The following METTL15 variants were observed in gnomAD, a reference collection of about 807,000 sequenced individuals.
The protein encoded by METTL15 is methyltransferase 15, mitochondrial 12S rRNA N4-cytidine.
METTL15 carries 34 observed loss-of-function variants against 38.3 expected under a neutral mutation model. The ratio of observed to expected loss-of-function variants is 0.89; its 90% confidence interval spans 0.68 to 1.18. METTL15 has a LOEUF of 1.18. Among genes scored for constraint, METTL15 ranks in the 50% most tolerant of loss-of-function variants. The pLI, the probability that METTL15 is intolerant of heterozygous loss-of-function variation, is 0.00. For missense variants in METTL15, 438 were observed against 498.4 expected, an observed-to-expected ratio of 0.88 and a Z score of 1.15; for synonymous variants, 162 against 170.9, an observed-to-expected ratio of 0.95 and a Z score of 0.41.
chr11:28,510,243 A>T (rs1851663221), intron 6 of METTL15, among the ~76,000 whole-genome samples: 1 of 152,224 alleles, frequency 6.6e-6, no homozygotes, highest in South Asian at 2.1e-4. Flanking sequence ...GCTAACAAAA[A>T]AAGAAATGGA....
chr11:28,157,147 G>A (rs926883517), intron 3 of METTL15, among the ~76,000 whole-genome samples: 1 of 152,194 alleles, frequency 6.6e-6, no homozygotes, highest in African/African-American at 2.4e-5. Context: ...CTAAAGTGAA[G>A]GATAAGTTGC....
intron 6 of METTL15, among the ~76,000 whole-genome samples, chr11:28,517,631 C>T (rs1391904259): frequency 6.6e-6 from 1 of 152,206 alleles, no homozygotes; most frequent in Middle Eastern, 3.2e-3. Flanking sequence ...TTAGCAACTT[C>T]TCTTCTTTGT....
At chr11:28,163,626 T>A (rs2133747744) in intron 3 of METTL15, 1 of 394,284 alleles carries the variant, frequency 2.5e-6, no homozygotes, top group South Asian at 1.4e-4. Flanking sequence ...TTAGGTAAAA[T>A]AATGTTATCT....
chr11:28,304,634 T>G (rs1377643122), intron 6 of METTL15, among the ~76,000 whole-genome samples: 1 of 152,110 alleles, frequency 6.6e-6, no homozygotes, highest in Non-Finnish European at 1.5e-5. Flanking sequence ...GAGAATCACT[T>G]GAACCCGGGA....
chr11:28,197,550 G>A (rs755329173), intron 3 of METTL15: 5 of 443,402 alleles, frequency 1.1e-5, no homozygotes, highest in South Asian at 8.4e-5. Flanking sequence ...GCTCAGAGAA[G>A]TTAAGTAACT....
At chr11:28,306,663 T>A (rs138683061) in intron 6 of METTL15, among the ~76,000 whole-genome samples, 17 of 152,162 alleles carry the variant, frequency 1.1e-4, no homozygotes, top group African/African-American at 4.1e-4. Context: ...TGTTTCAGGA[T>A]GTTCTTTGAA....
intron 6 of METTL15, among the ~76,000 whole-genome samples, chr11:28,315,729 C>G (rs1292197837): frequency 2.6e-5 from 4 of 152,212 alleles, no homozygotes; most frequent in Admixed American, 1.3e-4. Context: ...CCCAAGGCCC[C>G]CCTGTTCTGT....
intron 3 of METTL15, among the ~76,000 whole-genome samples, chr11:28,345,961 G>T (rs1849992389): frequency 6.6e-6 from 1 of 152,156 alleles, no homozygotes; most frequent in Non-Finnish European, 1.5e-5. Context: ...CTAAAACATA[G>T]AAATTCTTCA....
At chr11:28,480,556 C>T (rs982225988) in intron 6 of METTL15, among the ~76,000 whole-genome samples, 2 of 152,320 alleles carry the variant, frequency 1.3e-5, no homozygotes, top group Non-Finnish European at 1.5e-5. Context: ...GTAAGCAGTA[C>T]AAGCTGGCTC....
intron 6 of METTL15, among the ~76,000 whole-genome samples, chr11:28,430,557 C>A (rs1850912717): frequency 3.0e-5 from 1 of 33,452 alleles, no homozygotes; most frequent in African/African-American, 1.1e-4. Context: ...GTGGGGGGGT[C>A]AGCCCCCCGC....
chr11:28,294,219 T>C (rs1196552796), intron 5 of METTL15, among the ~76,000 whole-genome samples: 1 of 151,990 alleles, frequency 6.6e-6, no homozygotes, highest in Non-Finnish European at 1.5e-5. Context: ...ACAACAGCTC[T>C]GAAGAAAGTG....
intron 6 of METTL15, among the ~76,000 whole-genome samples, chr11:28,428,231 A>C (rs1259642196): frequency 6.6e-6 from 1 of 152,226 alleles, no homozygotes. Context: ...CTATAAACCT[A>C]TATAGCAGGT....
chr11:28,470,740 A>T (rs1326724281), intron 6 of METTL15, among the ~76,000 whole-genome samples: 2 of 152,132 alleles, frequency 1.3e-5, no homozygotes. Context: ...ACTCCAGCAC[A>T]ATTAACATGT....
intron 6 of METTL15, among the ~76,000 whole-genome samples, chr11:28,474,503 G>T (rs1030746380): frequency 3.3e-5 from 5 of 152,112 alleles, no homozygotes; most frequent in African/African-American, 1.2e-4. Context: ...AATAGCTGAA[G>T]GTGACCCAAG....
intron 4 of METTL15, among the ~76,000 whole-genome samples, chr11:28,222,281 C>A (rs1030955534): frequency 6.6e-6 from 1 of 152,160 alleles, no homozygotes; most frequent in Non-Finnish European, 1.5e-5. Context: ...CCTGGCTGCT[C>A]CCTTGCCGTT....
chr11:28,454,953 C>T (rs1851155195), intron 6 of METTL15, among the ~76,000 whole-genome samples: 1 of 152,116 alleles, frequency 6.6e-6, no homozygotes, highest in Non-Finnish European at 1.5e-5. Context: ...AGGTAACTCT[C>T]AGGTGGTGTC....
intron 2 of METTL15, among the ~76,000 whole-genome samples, 162 bp downstream of exon 2, chr11:28,110,563 C>G (rs1448489410): frequency 6.6e-6 from 1 of 152,136 alleles, no homozygotes; most frequent in African/African-American, 2.4e-5. Context: ...TGGAAGTTTC[C>G]GAATAGTTTT....
chr11:28,171,375 G>C (rs1850851351), intron 3 of METTL15, among the ~76,000 whole-genome samples: 1 of 152,016 alleles, frequency 6.6e-6, no homozygotes, highest in Non-Finnish European at 1.5e-5. Context: ...CCATGATAGA[G>C]GCAATATTAC....
intron 5 of METTL15, among the ~76,000 whole-genome samples, chr11:28,400,614 A>G (rs1051985240): frequency 6.6e-5 from 10 of 152,060 alleles, no homozygotes; most frequent in South Asian, 2.1e-4. Context: ...CAAAGGTTAC[A>G]TATTTTCCTG....
Sources: gnomAD v4.1 joint callset for allele counts (sites outside exome capture counted in the v4.1 genomes callset) on GRCh38, gnomAD v4.1.1 for gene constraint, MANE v1.5 for transcripts, NCBI Gene and HGNC (gene_info 2026-07-23, HGNC 2026-07-21) for gene names.